Variants in KIF5B observed in about 807,000 individuals in gnomAD.
The protein encoded by KIF5B is kinesin family member 5B.
Under a neutral mutation model 132.8 loss-of-function variants are expected in KIF5B, and 49 were observed. The ratio of observed to expected loss-of-function variants is 0.37; its 90% CI spans 0.29 to 0.47. The LOEUF is 0.47. Ranked by LOEUF, KIF5B falls within the 20% of genes least tolerant of loss-of-function variation. The pLI is 1.00. For synonymous variants in KIF5B, 355 were observed against 369.4 expected (o/e 0.96, Z 0.45); for missense variants, 780 against 1,144.0 (o/e 0.68, Z 4.59).
chr10:32,037,675 A>C, intron 6 of KIF5B, 68 bp from the exon 7 acceptor site: 1 of 1,247,318 alleles, frequency 8.0e-7, no homozygotes, highest in Non-Finnish European at 1.2e-6. Context: ...TCTAATAAAA[A>C]CACAAAAATT....
chr10:32,024,894 T>G (rs369438142), intron 15 of KIF5B, among the ~76,000 whole-genome samples: 2 of 152,034 alleles, frequency 1.3e-5, no homozygotes, highest in Admixed American at 6.6e-5. Context: ...CTGGACAATA[T>G]GGTGAAATCC....
chr10:32,021,590 GACACAC>G (rs3029348), intron 17 of KIF5B, among the ~76,000 whole-genome samples: 1 of 148,392 alleles, frequency 6.7e-6, no homozygotes, highest in South Asian at 2.1e-4. Context: ...CCTATGTTAA[GACACAC>G]ACACACACAC....
At chr10:32,049,167 C>T (rs189195507) in intron 1 of KIF5B, among the ~76,000 whole-genome samples, 93 of 152,284 alleles carry the variant, frequency 6.1e-4, no homozygotes, top group Non-Finnish European at 6.3e-4. Flanking sequence ...TTAACAAATA[C>T]TTATGGAATG....
chr10:32,048,411 C>G, intron 2 of KIF5B, 53 bp downstream of exon 2: 4 of 1,222,430 alleles, frequency 3.3e-6, no homozygotes, highest in African/African-American at 3.0e-5. Flanking sequence ...TAGAAAAGAT[C>G]ACAAACTTAT....
At chr10:32,019,346 C>G (rs1174099370) in intron 20 of KIF5B, among the ~76,000 whole-genome samples, 3 of 152,124 alleles carry the variant, frequency 2.0e-5, no homozygotes, top group Admixed American at 1.3e-4. Flanking sequence ...CTCACAAACT[C>G]AAGGTATGTG....
In KIF5B at chr10:32,010,318, C is replaced by T. The variant is rs1201667046; in HGVS notation, c.*1219G>A. Reference sequence around the variant, plus strand: ...ATCTGAGGAAAAAGTGGCAAAAATACGTATACACTTAGTACTGATTACAAA... The same window carrying T: ...ATCTGAGGAAAAAGTGGCAAAAATATGTATACACTTAGTACTGATTACAAA... On this transcript the variant is annotated 3_prime_UTR_variant, in exon 26 of 26. Coordinates refer to ENST00000302418, the MANE Select transcript of KIF5B (RefSeq NM_004521.3). The T allele has an allele frequency of 6.6e-6, 1 of 152,076 alleles. No homozygotes were observed. The highest frequency in any genetic ancestry group is 1.5e-5 in the Non-Finnish European group (1 of 68,008). 9.4% of individuals were successfully genotyped at this position (152,076 alleles called of 1,614,324 possible).
chr10:32,022,800 C>T (rs1053490308), intron 16 of KIF5B, 48 bp downstream of exon 16: 1 of 1,323,804 alleles, frequency 7.6e-7, no homozygotes. Flanking sequence ...AATAAAATTT[C>T]TATGTGGCTG....
At chr10:32,051,438 T>G (rs745697966) in intron 1 of KIF5B, among the ~76,000 whole-genome samples, 2 of 152,316 alleles carry the variant, frequency 1.3e-5, no homozygotes, top group East Asian at 1.9e-4. Context: ...AACAGCTTCA[T>G]AATAGTAAAC....
At chr10:32,017,806 T>C (rs1307115070) in intron 23 of KIF5B, among the ~76,000 whole-genome samples, 1 of 152,198 alleles carries the variant, frequency 6.6e-6, no homozygotes, top group Admixed American at 6.5e-5. Flanking sequence ...ATTATGAAAA[T>C]GCACAGTCTT....
chr10:32,028,470 G>A lies in KIF5B; in HGVS notation c.1683C>T (p.Asp561=). 1.2e-6 allele frequency: 2 copies of A among 1,612,578 alleles called. No individual in the cohort carries two copies. Among genetic ancestry groups the A allele is most frequent in the Non-Finnish European group, 1.7e-6 (2 of 1,178,888 alleles). Residue 561 remains aspartate (D), a synonymous_variant, in exon 15 of 26, where the codon GAC becomes GAT. Transcript: ENST00000302418. ...CCACAGCAATTCCTATTTCTGCAAGGTCTTTTAGTAAAGATGCCATCATCT... is the reference window on the plus strand; with the variant it reads ...CCACAGCAATTCCTATTTCTGCAAGATCTTTTAGTAAAGATGCCATCATCT... ...AAEMMASLLK[D]LAEIGIAVGN...
At chr10:32,012,693 T>A (rs1422933942) in intron 25 of KIF5B, among the ~76,000 whole-genome samples, 4 of 152,170 alleles carry the variant, frequency 2.6e-5, no homozygotes, top group African/African-American at 9.7e-5. Context: ...TCAGCAATAG[T>A]TAACAAAAGT....
At chr10:32,052,481 C>G (rs940884269) in intron 1 of KIF5B, among the ~76,000 whole-genome samples, 4 of 152,160 alleles carry the variant, frequency 2.6e-5, no homozygotes. Flanking sequence ...GCAGCCTTTA[C>G]GGTGTACCAT....
intron 15 of KIF5B, among the ~76,000 whole-genome samples, chr10:32,026,476 G>A (rs1157556047): frequency 1.6e-5 from 2 of 121,790 alleles, no homozygotes; most frequent in African/African-American, 3.0e-5. Context: ...CGCTCTAACA[G>A]AGCTTATATA....
intron 15 of KIF5B, among the ~76,000 whole-genome samples, chr10:32,026,298 CGTG>C (rs1466787540): frequency 6.6e-6 from 1 of 151,782 alleles, no homozygotes; most frequent in Non-Finnish European, 1.5e-5. Flanking sequence ...ATTATCCAGG[CGTG>C]GTGGCACACG....
intron 1 of KIF5B, 74 bp from the exon 2 acceptor site, chr10:32,048,625 CATATA>C (rs929087628): frequency 1.6e-5 from 16 of 1,021,402 alleles, no homozygotes; most frequent in African/African-American, 1.4e-4. Flanking sequence ...CAGATGCCAT[CATATA>C]ATATATTTAA....
At chr10:32,019,327 G>C (rs1841225787) in intron 20 of KIF5B, among the ~76,000 whole-genome samples, 1 of 152,044 alleles carries the variant, frequency 6.6e-6, no homozygotes, top group Non-Finnish European at 1.5e-5. Context: ...CAGTTGATTT[G>C]CAAATTGTCT....
chr10:32,028,054 C>A (rs1041857629), intron 15 of KIF5B, among the ~76,000 whole-genome samples: 15 of 152,020 alleles, frequency 9.9e-5, no homozygotes, highest in African/African-American at 3.4e-4. Flanking sequence ...CTCACTGCAG[C>A]CTTGACCTCC....
At chr10:32,020,284 T>C (rs1482009415) in intron 19 of KIF5B, among the ~76,000 whole-genome samples, 4 of 152,128 alleles carry the variant, frequency 2.6e-5, no homozygotes. Flanking sequence ...TGGTTCCTAC[T>C]CAAATTGTTG....
rs555298900 is a variant in KIF5B, at chr10:32,038,716, T to C, written c.442+62A>G. 5 of 929,930 alleles carry C rather than the reference T, an allele frequency of 5.4e-6. No individual in the cohort carries two copies. The African/African-American group carries it at 8.4e-5, about 16-fold the overall frequency. 57.6% of individuals were successfully genotyped at this position (929,930 alleles called of 1,614,324 possible). A position where few individuals can be genotyped will look rare whatever the true frequency, so the allele number is the denominator to read the frequency against. On this transcript the variant is annotated intron_variant, in intron 5 of 25. Coordinates refer to ENST00000302418, the MANE Select transcript of KIF5B (RefSeq NM_004521.3). ...TAGGTTACAAAGAAATAGTCTCACA[T>C]CTATTATTAAAAAGGAATTAACAGA...
Sources: allele counts gnomAD v4.1 joint callset (sites outside exome capture counted in the v4.1 genomes callset), GRCh38; gene constraint gnomAD v4.1.1; transcripts MANE v1.5; gene names NCBI Gene and HGNC (gene_info 2026-07-23, HGNC 2026-07-21).